ATP11B: variants seen among roughly 807,000 people sequenced by gnomAD.
ATP11B encodes ATPase phospholipid transporting 11B (putative).
In ATP11B, 81 loss-of-function variants were observed where a neutral mutation model predicts 157.8. That is an observed-to-expected ratio of 0.51 (90% CI 0.43 to 0.62). ATP11B has a LOEUF of 0.62. Ranked by LOEUF, ATP11B falls within the 20% of genes least tolerant of loss-of-function variation. The pLI is 0.00. For missense variants in ATP11B, 1,165 were observed against 1,402.2 expected (o/e 0.83, Z 2.70); for synonymous variants, 451 against 469.4 (o/e 0.96, Z 0.51).
chr3:182,887,796 T>C, intron 24 of ATP11B, 83 bp downstream of exon 24: 1 of 1,397,828 alleles, frequency 7.2e-7, no homozygotes, highest in Non-Finnish European at 9.7e-7. Flanking sequence ...TGGTGATTAA[T>C]GCTTTACTAA....
chr3:182,870,412 AT>A (rs1370135965), intron 17 of ATP11B, among the ~76,000 whole-genome samples: 1 of 151,922 alleles, frequency 6.6e-6, no homozygotes, highest in Non-Finnish European at 1.5e-5. Context: ...ACAGTTTATG[AT>A]TTTTTTCCCA....
chr3:182,848,451 G>T, intron 9 of ATP11B, 25 bp from the exon 10 acceptor site: 1 of 1,339,756 alleles, frequency 7.5e-7, no homozygotes, highest in South Asian at 1.6e-5. Context: ...ATTATTTTAA[G>T]AGACAATTTT....
chr3:182,836,598 C>A, intron 6 of ATP11B, 128 bp downstream of exon 6: 3 of 1,100,296 alleles, frequency 2.7e-6, no homozygotes, highest in Non-Finnish European at 3.8e-6. Flanking sequence ...ATTACTATTT[C>A]AAAAATAAAA....
intron 19 of ATP11B, among the ~76,000 whole-genome samples, chr3:182,878,181 T>C (rs1048092875): frequency 6.6e-6 from 1 of 152,216 alleles, no homozygotes; most frequent in Non-Finnish European, 1.5e-5. Context: ...TTACCACTTA[T>C]AGCTACAGTA....
At chr3:182,816,266 C>T (rs1368667074) in intron 1 of ATP11B, among the ~76,000 whole-genome samples, 7 of 152,128 alleles carry the variant, frequency 4.6e-5, no homozygotes, top group Non-Finnish European at 1.0e-4. Context: ...AACATAAAGC[C>T]AGGGTGGCTG....
chr3:182,795,834 G>T (rs1307889989), intron 1 of ATP11B, among the ~76,000 whole-genome samples: 1 of 152,228 alleles, frequency 6.6e-6, no homozygotes, highest in Non-Finnish European at 1.5e-5. Context: ...GTAAAAGCTA[G>T]TTTAGATTAT....
intron 2 of ATP11B, among the ~76,000 whole-genome samples, chr3:182,825,211 G>A (rs1351072040): frequency 6.6e-6 from 1 of 152,058 alleles, no homozygotes; most frequent in African/African-American, 2.4e-5. Flanking sequence ...CCTGTTGAAT[G>A]TTCTTCTTTT....
chr3:182,852,003 A>G (rs1289887528), intron 10 of ATP11B, among the ~76,000 whole-genome samples: 1 of 152,218 alleles, frequency 6.6e-6, no homozygotes, highest in Non-Finnish European at 1.5e-5. Context: ...TTCCATAATT[A>G]TACATGGAAA....
At chr3:182,875,417 TTTGTTGTTGTTGTTTTG>T in intron 19 of ATP11B, among the ~76,000 whole-genome samples, 1 of 141,550 alleles carries the variant, frequency 7.1e-6, no homozygotes, top group East Asian at 1.9e-4. Context: ...CAGGGGATTT[TTTGTTGTTGTTGTTTTG>T]TTGTTGTTGT....
Position 182,913,916 on chromosome 3 carries a change from A to G in ATP11B, c.3374A>G (p.Glu1125Gly), listed in dbSNP as rs758876992. 3.3e-5 allele frequency: 53 copies of G among 1,614,020 alleles called. No individual in the cohort carries two copies. The highest frequency in any genetic ancestry group is 5.0e-5 in the Admixed American group (3 of 60,000). Residue 1125 changes from glutamate (E) to glycine (G), a missense_variant, in exon 29 of 30, where the codon GAA becomes GGA. Transcript: ENST00000323116. ...TTGGACTCCATGTGCTGTTTCCCGGAAGGAGAAGCAGCGTGTGCATCTGTT... is the reference window on the plus strand; with the variant it reads ...TTGGACTCCATGTGCTGTTTCCCGGGAGGAGAAGCAGCGTGTGCATCTGTT... ...KCLDSMCCFP[E>G]GEAACASVGR...
Position 182,887,724 on chromosome 3 carries a change from T to G in ATP11B, c.2843+11T>G. ...GCCCACCCTTTATCGGTAAGTATTT[T>G]CTGGTATTAAATGGCCTTATCAGTT... On this transcript the variant is annotated intron_variant, in intron 24 of 29. Transcript: ENST00000323116. The G allele has an allele frequency of 6.2e-7, 1 of 1,606,808 alleles. No individual in the cohort carries two copies. Among genetic ancestry groups the G allele is most frequent in the East Asian group, 2.2e-5 (1 of 44,646 alleles).
chr3:182,829,586 CTG>C (rs1472698206), intron 3 of ATP11B, 84 bp from the exon 4 acceptor site: 1 of 925,192 alleles, frequency 1.1e-6, no homozygotes, highest in African/African-American at 1.7e-5. Context: ...AGTATACTCA[CTG>C]TGTAATGTGA....
chr3:182,860,899 G>A (rs1190799263), intron 12 of ATP11B, among the ~76,000 whole-genome samples: 1 of 151,876 alleles, frequency 6.6e-6, no homozygotes, highest in African/African-American at 2.4e-5. Flanking sequence ...GTCTTCTTCT[G>A]CTCCCTCTAT....
chr3:182,856,118 T>G (rs1440142153), intron 10 of ATP11B, among the ~76,000 whole-genome samples: 1 of 152,282 alleles, frequency 6.6e-6, no homozygotes, highest in Non-Finnish European at 1.5e-5. Context: ...AGCAAAAAAC[T>G]GGAAACAGCC....
intron 21 of ATP11B, among the ~76,000 whole-genome samples, chr3:182,884,490 T>C (rs1206773535): frequency 6.6e-6 from 1 of 152,158 alleles, no homozygotes; most frequent in African/African-American, 2.4e-5. Context: ...TCCTTAACTT[T>C]CAATATTATT....
intron 17 of ATP11B, among the ~76,000 whole-genome samples, chr3:182,871,234 G>A (rs1193782312): frequency 2.0e-5 from 3 of 149,676 alleles, no homozygotes; most frequent in Non-Finnish European, 4.5e-5. Context: ...GGAGTTCAAG[G>A]CTATAGTAAG....
chr3:182,909,176 A>T (rs919335365), intron 28 of ATP11B, among the ~76,000 whole-genome samples: 1 of 152,238 alleles, frequency 6.6e-6, no homozygotes, highest in African/African-American at 2.4e-5. Context: ...GCAATAAGAA[A>T]TGTCTTAGTG....
rs1474736360 is a variant in ATP11B, at chr3:182,867,460, A to G, written c.1688+16A>G. ...AACTGGAACGGTAATTTTTTTTCAT[A>G]TATTGGAATGTTTTCTGTGTTAAGT... On this transcript the variant is annotated intron_variant, in intron 15 of 29. Transcript: ENST00000323116. The G allele has an allele frequency of 1.3e-6, 2 of 1,540,958 alleles. No homozygotes were observed. Among genetic ancestry groups the G allele is most frequent in the South Asian group, 1.1e-5 (1 of 89,510 alleles).
chr3:182,920,853 T>C lies in ATP11B; in HGVS notation c.*2749T>C, dbSNP rs1031155488. 5.9e-5 allele frequency: 9 copies of C among 152,250 alleles called. No individual in the cohort carries two copies. Among genetic ancestry groups the C allele is most frequent in the Non-Finnish European group, 1.0e-4 (7 of 68,080 alleles). The allele number at this position is 152,250 out of a possible 1,614,324, so 9.4% of individuals were successfully genotyped here. On this transcript the variant is annotated 3_prime_UTR_variant, in exon 30 of 30. Coordinates refer to ENST00000323116, the MANE Select transcript of ATP11B (RefSeq NM_014616.3). ...GTCTGAATTTTCTAACTGTCCTCTT[T>C]CTTGGGTCTAAAGCTCATAATACAC...
Sources: gnomAD v4.1 joint callset for allele counts (sites outside exome capture counted in the v4.1 genomes callset) on GRCh38, gnomAD v4.1.1 for gene constraint, MANE v1.5 for transcripts, NCBI Gene and HGNC (gene_info 2026-07-23, HGNC 2026-07-21) for gene names.